The following MARK1 variants were observed in gnomAD, a reference collection of about 807,000 sequenced individuals.
MARK1 encodes the protein serine/threonine-protein kinase MARK1.
Under a neutral mutation model 96.3 loss-of-function variants are expected in MARK1, and 40 were observed. The observed-to-expected ratio is 0.42, with a 90% CI of 0.32 to 0.54. The LOEUF is 0.54. Ranked by LOEUF, MARK1 falls within the 20% of genes least tolerant of loss-of-function variation. The probability of loss-of-function intolerance (pLI) is 0.16; values close to 1 mark genes in which losing one functional copy is unlikely to be tolerated. For missense variants in MARK1, 719 were observed against 984.6 expected (o/e 0.73, Z 3.61); for synonymous variants, 317 against 341.2 (o/e 0.93, Z 0.78).
chr1:220,577,837 T>TA (rs1177764966), intron 1 of MARK1, among the ~76,000 whole-genome samples: 4 of 152,218 alleles, frequency 2.6e-5, no homozygotes, highest in Admixed American at 2.0e-4. Flanking sequence ...CATGCTGTGA[T>TA]ACGTGGAAGT....
intron 9 of MARK1, chr1:220,626,128 G>A (rs528216367): frequency 3.2e-6 from 2 of 616,336 alleles, no homozygotes; most frequent in South Asian, 1.5e-5. Context: ...GATAGACATC[G>A]CTGTGAATTG....
At chr1:220,540,708 T>C (rs897075098) in intron 1 of MARK1, among the ~76,000 whole-genome samples, 2 of 101,114 alleles carry the variant, frequency 2.0e-5, no homozygotes, top group Non-Finnish European at 4.1e-5. Context: ...TTTCTGATTT[T>C]ATTTGAGTCC....
At chr1:220,535,083 T>C (rs1660595367) in intron 1 of MARK1, among the ~76,000 whole-genome samples, 1 of 152,080 alleles carries the variant, frequency 6.6e-6, no homozygotes, top group Admixed American at 6.5e-5. Flanking sequence ...CATATGGTAG[T>C]TCTACTGGGT....
chr1:220,644,101 C>T (rs974455634), intron 13 of MARK1, among the ~76,000 whole-genome samples: 2 of 151,876 alleles, frequency 1.3e-5, no homozygotes, highest in African/African-American at 4.8e-5. Context: ...AGCTGAATAC[C>T]CCAATTAAAA....
chr1:220,536,144 A>C (rs769525645), intron 1 of MARK1, among the ~76,000 whole-genome samples: 9 of 152,044 alleles, frequency 5.9e-5, no homozygotes, highest in Non-Finnish European at 1.0e-4. Context: ...TATTTCTAGC[A>C]GTTCTTTTTT....
At chr1:220,630,916 T>C (rs1667646600) in intron 9 of MARK1, 119 bp from the exon 10 acceptor site, 1 of 686,062 alleles carries the variant, frequency 1.5e-6, no homozygotes, top group African/African-American at 1.8e-5. Flanking sequence ...CTAATCAAAC[T>C]AGAAATGTCA....
intron 6 of MARK1, among the ~76,000 whole-genome samples, chr1:220,604,895 T>G (rs1189813676): frequency 3.3e-5 from 5 of 152,146 alleles, no homozygotes; most frequent in Non-Finnish European, 7.4e-5. Context: ...TCATAAAATT[T>G]ACTAAAGTTT....
At chr1:220,561,672 G>A (rs1283646211) in intron 1 of MARK1, among the ~76,000 whole-genome samples, 1 of 152,168 alleles carries the variant, frequency 6.6e-6, no homozygotes, top group Non-Finnish European at 1.5e-5. Flanking sequence ...TGTTAATATT[G>A]TCTGAGTTAT....
intron 1 of MARK1, among the ~76,000 whole-genome samples, chr1:220,554,454 T>TA (rs763396362): frequency 6.6e-6 from 1 of 152,204 alleles, no homozygotes; most frequent in Non-Finnish European, 1.5e-5. Context: ...GGGATGCTGT[T>TA]ACACTTCTTA....
chr1:220,641,332 G>A (rs535355791), intron 13 of MARK1, among the ~76,000 whole-genome samples: 1 of 152,214 alleles, frequency 6.6e-6, no homozygotes, highest in Admixed American at 6.5e-5. Context: ...GGGCCCTCAC[G>A]AATGGGATTA....
intron 6 of MARK1, among the ~76,000 whole-genome samples, chr1:220,604,711 A>G (rs1023844838): frequency 5.3e-5 from 8 of 152,018 alleles, no homozygotes; most frequent in African/African-American, 1.9e-4. Flanking sequence ...ATGATAAAAT[A>G]AGAAAAAATA....
At chr1:220,568,774 G>C (rs1385397104) in intron 1 of MARK1, among the ~76,000 whole-genome samples, 1 of 152,060 alleles carries the variant, frequency 6.6e-6, no homozygotes, top group East Asian at 1.9e-4. Context: ...CATTTACAAA[G>C]AACATACCAT....
intron 6 of MARK1, among the ~76,000 whole-genome samples, chr1:220,608,035 C>G (rs1315771419): frequency 1.1e-4 from 17 of 152,116 alleles, no homozygotes; most frequent in Non-Finnish European, 2.5e-4. Context: ...TGTGTCTCTG[C>G]CAGGCTTTGG....
chr1:220,660,490 A>G (rs1360093116), intron 17 of MARK1, among the ~76,000 whole-genome samples: 1 of 152,150 alleles, frequency 6.6e-6, no homozygotes, highest in Non-Finnish European at 1.5e-5. Context: ...AAATGTATAT[A>G]TATTAATTTA....
intron 1 of MARK1, among the ~76,000 whole-genome samples, chr1:220,572,830 G>A (rs1355225364): frequency 1.3e-5 from 2 of 152,016 alleles, no homozygotes; most frequent in East Asian, 3.9e-4. Context: ...TTTTTATAGT[G>A]TATGTCTGTT....
intron 1 of MARK1, among the ~76,000 whole-genome samples, chr1:220,537,151 A>G (rs929861976): frequency 2.7e-5 from 4 of 149,792 alleles, no homozygotes; most frequent in Admixed American, 6.6e-5. Flanking sequence ...GGTTGGTTAC[A>G]TATGTATACA....
intron 13 of MARK1, among the ~76,000 whole-genome samples, chr1:220,636,585 ATAGT>A (rs1303696341): frequency 5.9e-5 from 9 of 152,124 alleles, no homozygotes; most frequent in Non-Finnish European, 1.2e-4. Context: ...AGGAGGAGAA[ATAGT>A]TAAAGAAATA....
chr1:220,638,612 T>C (rs1336581390), intron 13 of MARK1, among the ~76,000 whole-genome samples: 2 of 152,200 alleles, frequency 1.3e-5, no homozygotes, highest in Non-Finnish European at 2.9e-5. Flanking sequence ...AAAGCATATT[T>C]ATTAAAGAAG....
At chr1:220,619,740 T>G (rs963290326) in intron 9 of MARK1, among the ~76,000 whole-genome samples, 6 of 152,262 alleles carry the variant, frequency 3.9e-5, no homozygotes, top group Non-Finnish European at 5.9e-5. Context: ...ATAATTTATT[T>G]CTTAAGTATT....
Sources: gnomAD v4.1 joint callset for allele counts (sites outside exome capture counted in the v4.1 genomes callset) on GRCh38, gnomAD v4.1.1 for gene constraint, MANE v1.5 for transcripts, NCBI Gene and HGNC (gene_info 2026-07-23, HGNC 2026-07-21) for gene names.